The following TMEM9B variants were observed in gnomAD, a reference collection of about 807,000 sequenced individuals.
TMEM9B encodes the protein TMEM9 domain family member B.
TMEM9B carries 8 observed loss-of-function variants against 23.5 expected under a neutral mutation model. The observed-to-expected ratio is 0.34, with a 90% CI of 0.20 to 0.61. The LOEUF is 0.61. Among genes scored for constraint, TMEM9B ranks in the 20% least tolerant of loss-of-function variants. TMEM9B has a pLI of 0.78. For synonymous variants in TMEM9B, 106 were observed against 96.3 expected, an observed-to-expected ratio of 1.10 and a Z score of -0.59; for missense variants, 197 against 252.3, an observed-to-expected ratio of 0.78 and a Z score of 1.49.
rs1589946349 is a variant in TMEM9B, at chr11:8,956,097, T to A, written c.306+93A>T. On this transcript the variant is annotated intron_variant, in intron 3 of 4. Transcript: ENST00000534025. Reference sequence around the variant, plus strand: ...CCCATTATTCCTTTTGGGGTAGGGGTCCAAATTTTTCTGTCTTGTCTAGAA... The same window carrying A: ...CCCATTATTCCTTTTGGGGTAGGGGACCAAATTTTTCTGTCTTGTCTAGAA... The A allele has an allele frequency of 8.9e-6, 10 of 1,120,462 alleles. No homozygotes were observed. In the East Asian group the frequency reaches 2.5e-4, roughly 28 times the overall value. The allele number at this position is 1,120,462 out of a possible 1,614,324, so 69.4% of individuals were successfully genotyped here.
chr11:8,957,019 C>G lies in TMEM9B; in HGVS notation c.198-721G>C, dbSNP rs1390762520. On this transcript the variant is annotated intron_variant, in intron 2 of 4. Transcript: ENST00000534025. This position sits in a 1 kb window ranked among gnomAD's most constrained non-coding sequence, Gnocchi z 4.3. ...ACAGGTGTGAGCCACCGTGCCCAGCCAACATCATTCTTAACTGCCAGTGTG... is the reference window on the plus strand; with the variant it reads ...ACAGGTGTGAGCCACCGTGCCCAGCGAACATCATTCTTAACTGCCAGTGTG... Among the ~76,000 whole-genome samples, 2 of 152,190 alleles carry G rather than the reference C, an allele frequency of 1.3e-5. No homozygotes were observed. Among genetic ancestry groups the G allele is most frequent in the African/African-American group, 4.8e-5 (2 of 41,450 alleles).
At chr11:8,949,783 G>A (rs1853842448) in intron 4 of TMEM9B, among the ~76,000 whole-genome samples, 1 of 151,404 alleles carries the variant, frequency 6.6e-6, no homozygotes, top group Admixed American at 6.6e-5. Flanking sequence ...ACTTTATTTA[G>A]GTAATGGCTT....
Position 8,947,647 on chromosome 11 carries a change from G to C in TMEM9B, c.*673C>G, listed in dbSNP as rs1021168444. The C allele has an allele frequency of 6.6e-6, 1 of 152,562 alleles. No homozygotes were observed. Among genetic ancestry groups the C allele is most frequent in the African/African-American group, 2.4e-5 (1 of 41,412 alleles). 9.5% of individuals were successfully genotyped at this position (152,562 alleles called of 1,614,324 possible). A position where few individuals can be genotyped will look rare whatever the true frequency, so the allele number is the denominator to read the frequency against. On this transcript the variant is annotated 3_prime_UTR_variant, in exon 5 of 5. Transcript: ENST00000534025. ...CTAGCAAATGGCCAGTTTGTTCTAGGATGCATTGCATCAGACATCACAGTA... is the reference window on the plus strand; with the variant it reads ...CTAGCAAATGGCCAGTTTGTTCTAGCATGCATTGCATCAGACATCACAGTA...
chr11:8,948,188 C>T lies in TMEM9B; in HGVS notation c.*132G>A. The T allele has an allele frequency of 8.4e-7, 1 of 1,186,532 alleles. No homozygotes were observed. The allele number at this position is 1,186,532 out of a possible 1,614,324, so 73.5% of individuals were successfully genotyped here. A position where few individuals can be genotyped will look rare whatever the true frequency, so the allele number is the denominator to read the frequency against. ...GAAAAAAAAATCAAGCAAGTTTTTG[C>T]TTCCAGTTTTGAATCTTCCAGCAAC... On this transcript the variant is annotated 3_prime_UTR_variant, in exon 5 of 5. Transcript: ENST00000534025.
At chr11:8,949,673 A>G (rs1050860473) in intron 4 of TMEM9B, among the ~76,000 whole-genome samples, 1 of 152,244 alleles carries the variant, frequency 6.6e-6, no homozygotes, top group Non-Finnish European at 1.5e-5. Context: ...TCTTGTTTTT[A>G]TAGCAAGGCA....
chr11:8,955,181 T>C (rs1853951895), intron 3 of TMEM9B, among the ~76,000 whole-genome samples: 1 of 149,034 alleles, frequency 6.7e-6, no homozygotes, highest in South Asian at 2.1e-4. Context: ...AGAAAAACCA[T>C]TAGCCACTAT....
In TMEM9B at chr11:8,957,139, T is replaced by C. The variant is rs772003326; in HGVS notation, c.198-841A>G. Reference sequence around the variant, plus strand: ...CCACACACAGGAAGAAACAATCACTTTTCTTAATGAGCAAATCTGAAAAAG... The same window carrying C: ...CCACACACAGGAAGAAACAATCACTCTTCTTAATGAGCAAATCTGAAAAAG... On this transcript the variant is annotated intron_variant, in intron 2 of 4. Coordinates refer to ENST00000534025, the MANE Select transcript of TMEM9B (RefSeq NM_020644.3). This position sits in a 1 kb window ranked among gnomAD's most constrained non-coding sequence, Gnocchi z 4.3. 5.3e-5 allele frequency among the ~76,000 whole-genome samples: 8 copies of C among 152,208 alleles called. No homozygotes were observed. Among genetic ancestry groups the C allele is most frequent in the Non-Finnish European group, 7.3e-5 (5 of 68,040 alleles).
Position 8,957,198 on chromosome 11 carries a change from A to C in TMEM9B, c.198-900T>G, listed in dbSNP as rs1853991050. On this transcript the variant is annotated intron_variant, in intron 2 of 4. Coordinates refer to ENST00000534025, the MANE Select transcript of TMEM9B (RefSeq NM_020644.3). The surrounding 1 kb of genome is among the most constrained non-coding windows in gnomAD (Gnocchi z 4.3). ...AATAGAATAACTAAAATATTTTAAA[A>C]CAAAAACTGGTTATTCCAAAGAACT... 6.6e-6 allele frequency among the ~76,000 whole-genome samples: 1 copy of C among 152,238 alleles called. No individual in the cohort carries two copies. Among genetic ancestry groups the C allele is most frequent in the Non-Finnish European group, 1.5e-5 (1 of 68,054 alleles).
intron 4 of TMEM9B, among the ~76,000 whole-genome samples, chr11:8,950,415 A>G (rs1345503633): frequency 6.6e-6 from 1 of 152,214 alleles, no homozygotes. Context: ...GTTTGTTTTG[A>G]CATAAGCAAT....
At chr11:8,948,601 T>C in intron 4 of TMEM9B, 126 bp from the exon 5 acceptor site, 1 of 1,136,938 alleles carries the variant, frequency 8.8e-7, no homozygotes, top group Non-Finnish European at 1.2e-6. Flanking sequence ...AGCATCTATT[T>C]AGCTAAGCAC....
intron 4 of TMEM9B, among the ~76,000 whole-genome samples, chr11:8,951,615 G>A (rs1016910857): frequency 2.0e-5 from 3 of 151,092 alleles, no homozygotes; most frequent in Non-Finnish European, 2.9e-5. Context: ...AAAATTAGCC[G>A]GGCGCGATGG....
rs769573547 is a variant in TMEM9B at position 8,948,317 on chromosome 11, C to G, written c.*3G>C. On this transcript the variant is annotated 3_prime_UTR_variant, in exon 5 of 5. Transcript: ENST00000534025. ...TTCTAGTCACCTTGAATTCAATTCC[C>G]AATTAGCTGAGGACAACATGCCGGT... 6.2e-7 allele frequency: 1 copy of G among 1,612,660 alleles called. No homozygotes were observed. The highest frequency in any genetic ancestry group is 1.1e-5 in the South Asian group (1 of 90,816).
At chr11:8,963,111 A>AGC (rs1268217833) in intron 1 of TMEM9B, among the ~76,000 whole-genome samples, 2 of 152,234 alleles carry the variant, frequency 1.3e-5, no homozygotes, top group African/African-American at 4.8e-5. Flanking sequence ...ACCCTAGTAA[A>AGC]GGAGACTGAA....
At chr11:8,959,475 G>A (rs1854036038) in intron 2 of TMEM9B, among the ~76,000 whole-genome samples, 1 of 152,192 alleles carries the variant, frequency 6.6e-6, no homozygotes, top group Admixed American at 6.5e-5. Context: ...CTTTACCTCT[G>A]AACCTCGGGA....
chr11:8,963,374 A>G (rs552253398), intron 1 of TMEM9B, among the ~76,000 whole-genome samples: 1 of 152,346 alleles, frequency 6.6e-6, no homozygotes, highest in South Asian at 2.1e-4. Flanking sequence ...CATCATACTA[A>G]TGTGAATCCC....
chr11:8,961,798 T>C (rs1441717850), intron 2 of TMEM9B, among the ~76,000 whole-genome samples: 1 of 152,160 alleles, frequency 6.6e-6, no homozygotes, highest in African/African-American at 2.4e-5. Flanking sequence ...TCACCAAAAC[T>C]TGAGGGAGTA....
chr11:8,959,823 T>C (rs1854042776), intron 2 of TMEM9B, among the ~76,000 whole-genome samples: 1 of 152,164 alleles, frequency 6.6e-6, no homozygotes, highest in Non-Finnish European at 1.5e-5. Flanking sequence ...GCACTCCAAC[T>C]ACTCTTAAGT....
chr11:8,951,603 G>A (rs1219072242), intron 4 of TMEM9B, among the ~76,000 whole-genome samples: 12 of 147,788 alleles, frequency 8.1e-5, no homozygotes, highest in African/African-American at 2.7e-4. Flanking sequence ...AAAAAAATAC[G>A]AAAAATTAGC....
Position 8,957,405 on chromosome 11 carries a change from C to G in TMEM9B, c.198-1107G>C, listed in dbSNP as rs1853994793. On this transcript the variant is annotated intron_variant, in intron 2 of 4. Transcript: ENST00000534025. The surrounding 1 kb of genome is among the most constrained non-coding windows in gnomAD (Gnocchi z 4.3). ...CTCCTCAACTATTAAGAGTCTATGA[C>G]TCTGATCACCTTCAGCAAAATTAGG... Among the ~76,000 whole-genome samples, 1 of 152,238 alleles carries G rather than the reference C, an allele frequency of 6.6e-6. No individual in the cohort carries two copies. Among genetic ancestry groups the G allele is most frequent in the Admixed American group, 6.5e-5 (1 of 15,290 alleles).
Sources: gnomAD v4.1 joint callset for allele counts (sites outside exome capture counted in the v4.1 genomes callset) on GRCh38, gnomAD v4.1.1 for gene constraint, Gnocchi (gnomAD v3.1) non-coding constraint, MANE v1.5 for transcripts, NCBI Gene and HGNC (gene_info 2026-07-23, HGNC 2026-07-21) for gene names.